Variants in ZFP62 observed in about 807,000 individuals in gnomAD.
The protein encoded by ZFP62 is ZFP62 zinc finger protein.
A neutral mutation model predicts 56.4 loss-of-function variants in ZFP62; 44 were observed. The ratio of observed to expected loss-of-function variants is 0.78; its 90% CI spans 0.61 to 1.00. ZFP62 has a LOEUF of 1.00. Ranked by LOEUF, ZFP62 falls within the 50% of genes least tolerant of loss-of-function variation. The pLI, the probability that ZFP62 is intolerant of heterozygous loss-of-function variation, is 0.00. For synonymous variants in ZFP62, 421 were observed against 388.9 expected, an observed-to-expected ratio of 1.08 and a Z score of -0.97; for missense variants, 1,030 against 1,085.7, an observed-to-expected ratio of 0.95 and a Z score of 0.72.
rs935096060 is a variant in ZFP62, at chr5:180,849,767, A to G, written c.1728T>C (p.Leu576=). The G allele has an allele frequency of 1.3e-6, 2 of 1,551,850 alleles. No individual in the cohort carries two copies. Among genetic ancestry groups the G allele is most frequent in the Non-Finnish European group, 8.7e-7 (1 of 1,147,124 alleles). The change falls in exon 2 of 2, where the codon CTT becomes CTC. Residue 576 remains leucine, a synonymous_variant. Coordinates refer to ENST00000502412, the MANE Select transcript of ZFP62 (RefSeq NM_001172638.2). Reference sequence around the variant, plus strand: ...CAGGGTGTACACTTTTATGATTTATAAGGCTCGAGAGAGAGATGTATGCTT... The same window carrying G: ...CAGGGTGTACACTTTTATGATTTATGAGGCTCGAGAGAGAGATGTATGCTT... The part of the protein sequence containing the change: ...CGKAYISLSS[L]INHKSVHPGE...
At chr5:180,845,206 T>C (rs1421057139), downstream of ZFP62, among the ~76,000 whole-genome samples, 2 of 151,774 alleles carry the variant, frequency 1.3e-5, no homozygotes, top group East Asian at 3.9e-4. Flanking sequence ...TGGTGGCGCA[T>C]GCCTGTAATC....
chr5:180,844,333 A>G (rs1773370558), downstream of ZFP62, among the ~76,000 whole-genome samples: 1 of 152,240 alleles, frequency 6.6e-6, no homozygotes, highest in Admixed American at 6.5e-5. Flanking sequence ...ATTGCACTGA[A>G]TGGAATATGG....
intron 1 of ZFP62, among the ~76,000 whole-genome samples, chr5:180,859,036 C>T (rs1009086816): frequency 2.6e-5 from 4 of 152,196 alleles, no homozygotes; most frequent in Non-Finnish European, 5.9e-5. Context: ...CAGTTAAGAA[C>T]CGGCCCTACA....
At chr5:180,845,920 T>C, downstream of ZFP62, 1 of 975,668 alleles carries the variant, frequency 1.0e-6, no homozygotes, top group Non-Finnish European at 1.2e-6. Flanking sequence ...TTCAGACAAA[T>C]TTGCTAATAG....
chr5:180,831,992 C>G, the ZFP62 span: 1 of 153,554 alleles, frequency 6.5e-6, no homozygotes, highest in Non-Finnish European at 1.4e-5. Context: ...TCCTCCTCCC[C>G]TCCCCAGAAT....
the ZFP62 span, among the ~76,000 whole-genome samples, chr5:180,837,911 C>G: frequency 6.6e-6 from 1 of 151,926 alleles, no homozygotes; most frequent in Non-Finnish European, 1.5e-5. Context: ...GATGCACCTT[C>G]AAGTACAAGG....
chr5:180,851,577 A>G, intron 1 of ZFP62, 84 bp from the exon 2 acceptor site: 1 of 1,384,804 alleles, frequency 7.2e-7, no homozygotes. Flanking sequence ...AACAACATTC[A>G]CTTGACAAAC....
Position 180,857,008 on chromosome 5 carries a change from G to A in ZFP62, c.1+4211C>T, listed in dbSNP as rs368963714. ...ATACAGGACATGGAGGGTGGGAAAG[G>A]GGGGATGGACTACAGGAATAGCTTC... On this transcript the variant is annotated intron_variant, in intron 1 of 1. Transcript: ENST00000502412. Among the ~76,000 whole-genome samples the A allele has an allele frequency of 6.6e-5, 10 of 151,258 alleles. No homozygotes were observed. In the East Asian group the frequency reaches 1.5e-3, roughly 23 times the overall value.
rs1756069316 is a variant in ZFP62 at position 180,861,215 on chromosome 5, G to A, written c.1+4C>T. ...GGAGCGCGGGCGGCCGCGGACTCAC[G>A]TACTGGCTGTGGCGGCGCCGCGGGA... On this transcript the variant is annotated splice_donor_region_variant and intron_variant, in intron 1 of 1. Transcript: ENST00000502412. 2 of 398,264 alleles carry A rather than the reference G, an allele frequency of 5.0e-6. No homozygotes were observed. Among genetic ancestry groups the A allele is most frequent in the Non-Finnish European group, 8.9e-6 (2 of 225,786 alleles). The allele number at this position is 398,264 out of a possible 1,614,324, so 24.7% of individuals were successfully genotyped here. A position where few individuals can be genotyped will look rare whatever the true frequency, so the allele number is the denominator to read the frequency against.
the ZFP62 span, among the ~76,000 whole-genome samples, chr5:180,838,031 G>A: frequency 6.6e-6 from 1 of 152,118 alleles, no homozygotes. Context: ...AACATTTATT[G>A]AAGCTAGGAA....
At chr5:180,840,193 C>T in the ZFP62 span, among the ~76,000 whole-genome samples, 1 of 152,172 alleles carries the variant, frequency 6.6e-6, no homozygotes, top group Non-Finnish European at 1.5e-5. Context: ...TGCCTGACTG[C>T]TTGGGCACAG....
chr5:180,859,107 T>C (rs2127378), intron 1 of ZFP62, among the ~76,000 whole-genome samples: 1 of 151,458 alleles, frequency 6.6e-6, no homozygotes, highest in Non-Finnish European at 1.5e-5. Context: ...GACAACTCGT[T>C]AGAGAGGAGC....
downstream of ZFP62, among the ~76,000 whole-genome samples, chr5:180,844,820 G>A (rs960977401): frequency 2.0e-5 from 3 of 152,176 alleles, no homozygotes; most frequent in African/African-American, 7.2e-5. Context: ...TGGTCCTTGA[G>A]GGATTTCCTT....
chr5:180,847,510 G>T (rs528448193), downstream of ZFP62: 2 of 831,754 alleles, frequency 2.4e-6, no homozygotes, highest in Non-Finnish European at 2.9e-6. Flanking sequence ...CCTGTGGGAT[G>T]AGTCTACTAC....
chr5:180,831,138 G>T, the ZFP62 span: 1 of 154,060 alleles, frequency 6.5e-6, no homozygotes, highest in South Asian at 1.9e-4. Context: ...TCCTCGCGGG[G>T]GTGGACGGGT....
the ZFP62 span, chr5:180,830,698 G>A: frequency 6.6e-6 from 1 of 152,374 alleles, no homozygotes; most frequent in African/African-American, 2.4e-5. Context: ...GGGCGAGGGC[G>A]GAATACTACC....
At chr5:180,839,301 T>A in the ZFP62 span, among the ~76,000 whole-genome samples, 4 of 152,224 alleles carry the variant, frequency 2.6e-5, no homozygotes, top group African/African-American at 9.6e-5. Context: ...CTGGTGATAC[T>A]GAGGCTGGTT....
At position 180,848,426 on chromosome 5, in the gene ZFP62, C is replaced by A; in HGVS notation, c.*366G>T. Reference sequence around the variant, plus strand: ...CCTGAATTTCCTACATTTCTAGTAACAGAATTTACCAAACATGAACTTTCT... The same window carrying A: ...CCTGAATTTCCTACATTTCTAGTAAAAGAATTTACCAAACATGAACTTTCT... On this transcript the variant is annotated 3_prime_UTR_variant, in exon 2 of 2. Coordinates refer to ENST00000502412, the MANE Select transcript of ZFP62 (RefSeq NM_001172638.2). The A allele has an allele frequency of 2.0e-6, 2 of 1,006,138 alleles. No individual in the cohort carries two copies. Among genetic ancestry groups the A allele is most frequent in the Non-Finnish European group, 2.4e-6 (2 of 843,626 alleles). 62.3% of individuals were successfully genotyped at this position (1,006,138 alleles called of 1,614,324 possible).
chr5:180,853,390 G>A (rs557110607), intron 1 of ZFP62, among the ~76,000 whole-genome samples: 9 of 152,266 alleles, frequency 5.9e-5, no homozygotes, highest in East Asian at 3.9e-4. Flanking sequence ...TTATAGCAAC[G>A]ATAAACCAGA....
Sources: gnomAD v4.1 joint callset for allele counts (sites outside exome capture counted in the v4.1 genomes callset) on GRCh38, gnomAD v4.1.1 for gene constraint, MANE v1.5 for transcripts, NCBI Gene and HGNC (gene_info 2026-07-23, HGNC 2026-07-21) for gene names.